NTM: variants seen among roughly 807,000 people sequenced by gnomAD.
NTM encodes the protein neurotrimin.
In NTM, 13 loss-of-function variants were observed where a neutral mutation model predicts 42.1. The observed-to-expected ratio is 0.31, with a 90% confidence interval of 0.20 to 0.49. The LOEUF is 0.49. Ranked by LOEUF, NTM falls within the 20% of genes least tolerant of loss-of-function variation. The pLI is 0.99. For missense variants in NTM, 373 were observed against 452.8 expected (o/e 0.82, Z 1.60); for synonymous variants, 187 against 179.2 (o/e 1.04, Z -0.35).
chr11:131,563,919 C>T (rs537632353), intron 1 of NTM, among the ~76,000 whole-genome samples: 62 of 152,240 alleles, frequency 4.1e-4, no homozygotes, highest in African/African-American at 1.3e-3. Context: ...GTTTTTAAAA[C>T]AGCCTGCAAG....
Position 131,452,261 on chromosome 11 carries a change from C to A in NTM, c.82+81373C>A, listed in dbSNP as rs866159205. On this transcript the variant is annotated intron_variant, in intron 1 of 8. Coordinates refer to ENST00000683400, the MANE Select transcript of NTM (RefSeq NM_001352005.2). ...TGCTGTGCTGCCGAGCGCCCCGTGG[C>A]CTCCCGGCTGCAGGCCCCACTTTCT... Among the ~76,000 whole-genome samples the A allele has an allele frequency of 3.9e-5, 6 of 152,372 alleles. No homozygotes were observed. In the Middle Eastern group the frequency reaches 0.014, roughly 346 times the overall value.
chr11:131,927,651 G>A (rs2058110388), intron 2 of NTM, among the ~76,000 whole-genome samples: 1 of 152,140 alleles, frequency 6.6e-6, no homozygotes, highest in South Asian at 2.1e-4. Flanking sequence ...CACAACATGG[G>A]GTTCCGTACT....
chr11:131,734,991 C>A (rs189154311), intron 1 of NTM, among the ~76,000 whole-genome samples: 2 of 152,114 alleles, frequency 1.3e-5, no homozygotes, highest in Non-Finnish European at 2.9e-5. Flanking sequence ...ACAAGATCAA[C>A]GAGGAATATG....
At chr11:132,024,057 A>T (rs957427297) in intron 2 of NTM, among the ~76,000 whole-genome samples, 42 of 151,704 alleles carry the variant, frequency 2.8e-4, no homozygotes, top group African/African-American at 1.0e-3. Flanking sequence ...TGACCTCGTG[A>T]TCCGCCCACC....
intron 2 of NTM, among the ~76,000 whole-genome samples, chr11:132,068,059 A>G (rs374011140): frequency 7.0e-4 from 107 of 152,330 alleles, no homozygotes; most frequent in African/African-American, 2.4e-3. Context: ...TTTCTGACCT[A>G]TGCTGATATC....
intron 1 of NTM, among the ~76,000 whole-genome samples, chr11:131,505,986 T>A (rs1472027725): frequency 1.3e-5 from 2 of 152,166 alleles, no homozygotes; most frequent in Non-Finnish European, 2.9e-5. Context: ...GATTCTGTTT[T>A]GACAATCATA....
intron 1 of NTM, among the ~76,000 whole-genome samples, chr11:131,377,892 T>C (rs946428177): frequency 6.6e-6 from 1 of 152,200 alleles, no homozygotes; most frequent in South Asian, 2.1e-4. Flanking sequence ...GAACAGGTAA[T>C]TACCTTTCTC....
At chr11:131,422,375 A>C (rs895933249) in intron 1 of NTM, among the ~76,000 whole-genome samples, 1 of 152,214 alleles carries the variant, frequency 6.6e-6, no homozygotes, top group Admixed American at 6.5e-5. Flanking sequence ...TGATTACAGA[A>C]TATTACCACT....
chr11:131,554,067 T>A (rs2055065840), intron 1 of NTM, among the ~76,000 whole-genome samples: 1 of 152,210 alleles, frequency 6.6e-6, no homozygotes, highest in South Asian at 2.1e-4. Flanking sequence ...ATGCTTCTCT[T>A]CCAGCCTTTA....
intron 1 of NTM, among the ~76,000 whole-genome samples, chr11:131,893,386 T>A (rs573657926): frequency 6.6e-6 from 1 of 152,284 alleles, no homozygotes; most frequent in Admixed American, 6.5e-5. Context: ...GGTTAGCTAA[T>A]GAGGGGGTGT....
chr11:131,678,015 C>T (rs1022731449), intron 1 of NTM, among the ~76,000 whole-genome samples: 1 of 152,202 alleles, frequency 6.6e-6, no homozygotes, highest in African/African-American at 2.4e-5. Context: ...TCCAGAGTCA[C>T]CCTTCCCTCC....
intron 4 of NTM, among the ~76,000 whole-genome samples, chr11:132,264,439 C>A (rs2093054348): frequency 6.6e-6 from 1 of 152,086 alleles, no homozygotes; most frequent in Admixed American, 6.5e-5. Context: ...TGCAGATATC[C>A]CTCCCAGTTA....
intron 2 of NTM, among the ~76,000 whole-genome samples, chr11:132,091,592 C>G (rs2136414253): frequency 6.6e-6 from 1 of 151,850 alleles, no homozygotes; most frequent in African/African-American, 2.4e-5. Context: ...GCAATCCTCC[C>G]ACCTCAGCCT....
chr11:132,092,334 C>G (rs1291322478), intron 2 of NTM, among the ~76,000 whole-genome samples: 1 of 152,174 alleles, frequency 6.6e-6, no homozygotes, highest in African/African-American at 2.4e-5. Context: ...AGTGCCTGGC[C>G]TCTGTCCTGC....
intron 1 of NTM, among the ~76,000 whole-genome samples, chr11:131,512,920 A>G (rs193138911): frequency 3.8e-4 from 58 of 152,100 alleles, no homozygotes; most frequent in African/African-American, 1.3e-3. Flanking sequence ...GTCTTGATCA[A>G]TGGCTCAATT....
intron 1 of NTM, among the ~76,000 whole-genome samples, chr11:131,887,101 G>C (rs988211293): frequency 1.6e-4 from 24 of 152,170 alleles, no homozygotes; most frequent in Admixed American, 2.6e-4. Context: ...ACAATGTATT[G>C]TACACTTGAA....
At chr11:131,922,071 T>G (rs1419981511) in intron 2 of NTM, 1 of 152,624 alleles carries the variant, frequency 6.6e-6, no homozygotes, top group Non-Finnish European at 1.5e-5. Flanking sequence ...ATTTTTTTCT[T>G]TTTTGCTTTA....
At chr11:131,688,572 C>A (rs970527676) in intron 1 of NTM, among the ~76,000 whole-genome samples, 2 of 152,260 alleles carry the variant, frequency 1.3e-5, no homozygotes, top group Non-Finnish European at 2.9e-5. Flanking sequence ...TCTCTGGCTG[C>A]CCCCTCTGTG....
Position 132,236,861 on chromosome 11 carries a change from G to A in NTM, c.526+24714G>A, listed in dbSNP as rs777617656. ...GGTGGAAGGAAGGCTGTGTGATGTC[G>A]AAGGCCAGGTTACCGAAGGCCACAC... On this transcript the variant is annotated intron_variant, in intron 4 of 8. Coordinates refer to ENST00000683400, the MANE Select transcript of NTM (RefSeq NM_001352005.2). 3.3e-4 allele frequency among the ~76,000 whole-genome samples: 51 copies of A among 152,266 alleles called. 1 individual carries two copies. Among genetic ancestry groups the A allele is most frequent in the Middle Eastern group, 6.8e-3 (2 of 294 alleles).
Sources: gnomAD v4.1 joint callset for allele counts (sites outside exome capture counted in the v4.1 genomes callset) on GRCh38, gnomAD v4.1.1 for gene constraint, MANE v1.5 for transcripts, NCBI Gene and HGNC (gene_info 2026-07-23, HGNC 2026-07-21) for gene names.